The following HBE1 variants were observed in gnomAD, a reference collection of about 807,000 sequenced individuals.
HBE1 encodes hemoglobin subunit epsilon.
Under a neutral mutation model 12.1 loss-of-function variants are expected in HBE1, and 10 were observed. The ratio of observed to expected loss-of-function variants is 0.83; its 90% CI spans 0.51 to 1.40. The LOEUF (loss-of-function observed/expected upper bound fraction) is 1.40. HBE1 is among the 40% of genes most tolerant of loss of function. The probability of loss-of-function intolerance (pLI) is 0.00; values close to 1 mark genes in which losing one functional copy is unlikely to be tolerated. For synonymous variants in HBE1, 78 were observed against 70.4 expected (o/e 1.11, Z -0.54); for missense variants, 172 against 175.8 (o/e 0.98, Z 0.12).
At chr11:5,268,638 T>C (rs1848159611) in intron 2 of HBE1, 41 bp from the exon 3 acceptor site, 4 of 1,586,344 alleles carry the variant, frequency 2.5e-6, no homozygotes, top group Non-Finnish European at 3.4e-6. Flanking sequence ...GCATGTTGAG[T>C]AGAAGTTTCC....
chr11:5,268,470 C>T lies in HBE1; in HGVS notation c.443G>A (p.Ter148=). ...VAIALAHKYH[*] ...AACACCTGCAAACTGGAAGAGAACT[C>T]AGTGGTACTTATGGGCCAGGGCAAT... The change falls in exon 3 of 3, where the codon TGA becomes TAA. Residue 148 remains the stop codon, a stop_retained_variant. Coordinates refer to ENST00000396895, the MANE Select transcript of HBE1 (RefSeq NM_005330.4). 6.2e-7 allele frequency: 1 copy of T among 1,613,626 alleles called. No individual in the cohort carries two copies. Among genetic ancestry groups the T allele is most frequent in the Non-Finnish European group, 8.5e-7 (1 of 1,179,682 alleles).
chr11:5,269,375 T>G, intron 2 of HBE1, 79 bp downstream of exon 2: 1 of 1,026,960 alleles, frequency 9.7e-7, no homozygotes, highest in Non-Finnish European at 1.6e-6. Flanking sequence ...TCTTTGTTGG[T>G]CTTTCCAATA....
intron 2 of HBE1, 131 bp from the exon 3 acceptor site, chr11:5,268,728 C>T: frequency 1.2e-6 from 1 of 828,950 alleles, no homozygotes; most frequent in South Asian, 1.7e-5. Flanking sequence ...TGACCTCAAA[C>T]TGTTCCAAGG....
chr11:5,268,964 C>T (rs965316022), intron 2 of HBE1, among the ~76,000 whole-genome samples: 1 of 152,210 alleles, frequency 6.6e-6, no homozygotes, highest in Admixed American at 6.5e-5. Context: ...CCAACAAATT[C>T]GGAAACAAGC....
chr11:5,268,478 C>T lies in HBE1; in HGVS notation c.435G>A (p.Lys145=), dbSNP rs536703241. 3 of 1,613,740 alleles carry T rather than the reference C, an allele frequency of 1.9e-6. No individual in the cohort carries two copies. The highest frequency in any genetic ancestry group is 1.3e-5 in the African/African-American group (1 of 75,042). Residue 145 remains lysine (K), a synonymous_variant, in exon 3 of 3, where the codon AAG becomes AAA. Coordinates refer to ENST00000396895, the MANE Select transcript of HBE1 (RefSeq NM_005330.4). ...VSAVAIALAH[K]YH ...CAAACTGGAAGAGAACTCAGTGGTACTTATGGGCCAGGGCAATGGCGACAG... is the reference window on the plus strand; with the variant it reads ...CAAACTGGAAGAGAACTCAGTGGTATTTATGGGCCAGGGCAATGGCGACAG...
intron 2 of HBE1, 131 bp downstream of exon 2, chr11:5,269,323 G>C: frequency 1.3e-6 from 1 of 749,150 alleles, no homozygotes; most frequent in South Asian, 1.5e-5. Context: ...CTCACTAGAA[G>C]TCTGCTGTTC....
At position 5,269,547 on chromosome 11, in the gene HBE1, A is replaced by G. The variant is rs752995557; in HGVS notation, c.222T>C (p.Asp74=). The G allele has an allele frequency of 3.7e-6, 6 of 1,613,876 alleles. No individual in the cohort carries two copies. In the East Asian group the frequency reaches 6.7e-5, roughly 18 times the overall value. Residue 74 remains aspartate, a synonymous_variant, in exon 2 of 3, where the codon GAT becomes GAC. Coordinates refer to ENST00000396895, the MANE Select transcript of HBE1 (RefSeq NM_005330.4). Reference sequence around the variant, plus strand: ...TGAGGTTGTCCATGTTTTTAATAGCATCTCCAAAGGAAGTCAGCACCTTCT... The same window carrying G: ...TGAGGTTGTCCATGTTTTTAATAGCGTCTCCAAAGGAAGTCAGCACCTTCT... The part of the protein sequence containing the change: ...HGKKVLTSFG[D]AIKNMDNLKP...
intron 2 of HBE1, 32 bp from the exon 3 acceptor site, chr11:5,268,629 C>G: frequency 6.4e-7 from 1 of 1,569,550 alleles, no homozygotes. Context: ...AACACACAGG[C>G]ATGTTGAGTA....
At chr11:5,268,707 C>A in intron 2 of HBE1, 110 bp from the exon 3 acceptor site, 1 of 984,258 alleles carries the variant, frequency 1.0e-6, no homozygotes, top group South Asian at 1.5e-5. Flanking sequence ...ACCTACATTC[C>A]TAGACAACCC....
At position 5,269,837 on chromosome 11, in the gene HBE1, C is replaced by T. The variant is rs529279164; in HGVS notation, c.54G>A (p.Lys18=). 6.2e-7 allele frequency: 1 copy of T among 1,613,930 alleles called. No homozygotes were observed. Among genetic ancestry groups the T allele is most frequent in the African/African-American group, 1.3e-5 (1 of 74,938 alleles). ...EKAAVTSLWS[K]MNVEEAGGEA... ...CACCTCCAGCCTCTTCCACATTCAT[C>T]TTGCTCCACAGGCTAGTGACGGCAG... The change falls in exon 1 of 3, where the codon AAG becomes AAA. Residue 18 remains lysine (K), a synonymous_variant. Coordinates refer to ENST00000396895, the MANE Select transcript of HBE1 (RefSeq NM_005330.4).
At chr11:5,268,666 AAAAC>A (rs3061750) in intron 2 of HBE1, 69 bp from the exon 3 acceptor site, 25 of 1,075,294 alleles carry the variant, frequency 2.3e-5, no homozygotes, top group South Asian at 2.8e-5. Flanking sequence ...ACTTGATGAA[AAAAC>A]AAACAAACAA....
chr11:5,268,600 G>A lies in HBE1; in HGVS notation c.316-3C>T. 1 of 1,611,290 alleles carries A rather than the reference G, an allele frequency of 6.2e-7. No individual in the cohort carries two copies. Among genetic ancestry groups the A allele is most frequent in the Non-Finnish European group, 8.5e-7 (1 of 1,178,298 alleles). On this transcript the variant is annotated splice_polypyrimidine_tract_variant and splice_region_variant and intron_variant, in intron 2 of 2. Transcript: ENST00000396895. ...ATCACCATCACGTTACCCAGGAGCTGTTAGGCAAAAGACAAAATAACACAC... is the reference window on the plus strand; with the variant it reads ...ATCACCATCACGTTACCCAGGAGCTATTAGGCAAAAGACAAAATAACACAC...
intron 2 of HBE1, among the ~76,000 whole-genome samples, 163 bp from the exon 3 acceptor site, chr11:5,268,760 C>G (rs1403576097): frequency 3.9e-5 from 6 of 152,178 alleles, no homozygotes; most frequent in African/African-American, 1.2e-4. Context: ...CCAAAAAATT[C>G]AGATGAGCTT....
chr11:5,269,744 A>C lies in HBE1; in HGVS notation c.92+55T>G. On this transcript the variant is annotated intron_variant, in intron 1 of 2. Transcript: ENST00000396895. ...AAAATCTTGAGGACTTTCCCAATCA[A>C]CTTGCTAGGGTAATATTCACCCTTC... The C allele has an allele frequency of 5.7e-6, 9 of 1,568,066 alleles. No individual in the cohort carries two copies. The South Asian group carries it at 1.0e-4, about 17-fold the overall frequency.
Position 5,268,632 on chromosome 11 carries a change from G to A in HBE1, c.316-35C>T, listed in dbSNP as rs765117593. The A allele has an allele frequency of 5.7e-6, 9 of 1,582,696 alleles. No homozygotes were observed. In the African/African-American group the frequency reaches 1.2e-4, roughly 21 times the overall value. ...AAAAGACAAAATAACACACAGGCAT[G>A]TTGAGTAGAAGTTTCCGAAAACAAC... is the stretch of plus-strand genomic sequence containing the variant. On this transcript the variant is annotated intron_variant, in intron 2 of 2. Transcript: ENST00000396895.
intron 2 of HBE1, among the ~76,000 whole-genome samples, 197 bp downstream of exon 2, chr11:5,269,257 G>A (rs1306514996): frequency 6.6e-6 from 1 of 152,120 alleles, no homozygotes; most frequent in Admixed American, 6.5e-5. Flanking sequence ...AGCCAATTCA[G>A]GCTGTTAGTA....
chr11:5,269,573 T>C lies in HBE1; in HGVS notation c.196A>G (p.Lys66Glu). 1 of 1,613,966 alleles carries C rather than the reference T, an allele frequency of 6.2e-7. No homozygotes were observed. ...LGNPKVKAHG[K>E]KVLTSFGDAI... Reference sequence around the variant, plus strand: ...TCTCCAAAGGAAGTCAGCACCTTCTTGCCATGGGCCTTGACCTTGGGGTTG... The same window carrying C: ...TCTCCAAAGGAAGTCAGCACCTTCTCGCCATGGGCCTTGACCTTGGGGTTG... Residue 66 changes from lysine to glutamate, a missense_variant, in exon 2 of 3, where the codon AAG becomes GAG. Physicochemically the swap from Lys to Glu is moderately conservative, Grantham distance 56. Transcript: ENST00000396895.
At position 5,269,780 on chromosome 11, in the gene HBE1, A is replaced by G; in HGVS notation, c.92+19T>C. ...TAATATTCACCCTTCATTCCCATGC[A>G]TTGAGAACCAATGCTTACCTGCCCA... On this transcript the variant is annotated intron_variant, in intron 1 of 2. Transcript: ENST00000396895. 1 of 1,596,310 alleles carries G rather than the reference A, an allele frequency of 6.3e-7. No individual in the cohort carries two copies.
In HBE1 at chr11:5,269,589, C is replaced by G; in HGVS notation, c.180G>C (p.Lys60Asn). Residue 60 changes from lysine to asparagine, a missense_variant, in exon 2 of 3, where the codon AAG (lysine) becomes AAC (asparagine). Transcript: ENST00000396895. ...GCACCTTCTTGCCATGGGCCTTGAC[C>G]TTGGGGTTGCCCAGGATGGCAGAGG... ...SSPSAILGNP[K>N]VKAHGKKVLT... 6.2e-7 allele frequency: 1 copy of G among 1,613,988 alleles called. No homozygotes were observed.
Sources: allele counts gnomAD v4.1 joint callset (sites outside exome capture counted in the v4.1 genomes callset), GRCh38; gene constraint gnomAD v4.1.1; transcripts MANE v1.5; gene names NCBI Gene and HGNC (gene_info 2026-07-23, HGNC 2026-07-21).